The following TAFA1 variants were observed in gnomAD, a reference collection of about 807,000 sequenced individuals.
TAFA1 encodes TAFA chemokine like family member 1.
A neutral mutation model predicts 18.5 loss-of-function variants in TAFA1; 4 were observed. The observed-to-expected ratio is 0.22, with a 90% CI of 0.11 to 0.49. TAFA1 has a LOEUF of 0.49. TAFA1 is among the 20% of genes least tolerant of loss of function. The pLI is 0.98. For missense variants in TAFA1, 147 were observed against 169.0 expected, an observed-to-expected ratio of 0.87 and a Z score of 0.72; for synonymous variants, 56 against 55.2, an observed-to-expected ratio of 1.01 and a Z score of -0.06.
chr3:68,213,600 C>T (rs1388343108), intron 2 of TAFA1, among the ~76,000 whole-genome samples: 4 of 152,022 alleles, frequency 2.6e-5, no homozygotes, highest in Non-Finnish European at 4.4e-5. Context: ...ATTAGATCTT[C>T]GGAGAAATGT....
chr3:68,207,348 A>G (rs1477348988), intron 2 of TAFA1, among the ~76,000 whole-genome samples: 1 of 151,898 alleles, frequency 6.6e-6, no homozygotes, highest in African/African-American at 2.4e-5. Flanking sequence ...AATTGGTGCT[A>G]TTTTTATAGA....
chr3:68,254,606 C>T (rs935087522), intron 2 of TAFA1, among the ~76,000 whole-genome samples: 1 of 151,908 alleles, frequency 6.6e-6, no homozygotes, highest in Non-Finnish European at 1.5e-5. Flanking sequence ...CAAAGACATG[C>T]TGTGATGCCA....
intron 2 of TAFA1, among the ~76,000 whole-genome samples, chr3:68,244,829 G>A (rs1015874323): frequency 4.6e-5 from 7 of 152,146 alleles, no homozygotes; most frequent in African/African-American, 9.7e-5. Flanking sequence ...AAAAAAATGC[G>A]TGCAGGGTAT....
rs1485831895 is a variant in TAFA1 at position 68,014,666 on chromosome 3, TTATC to T, written c.118+7926_118+7929del. On this transcript the variant is annotated intron_variant, in intron 2 of 4. Transcript: ENST00000478136. ...TACCCAAGGAACTGGTTTATTAACT[TTATC>T]TATTTGACATAGCAGGATTCAAAAT... Among the ~76,000 whole-genome samples, 3 of 152,344 alleles carry T rather than the reference TTATC, an allele frequency of 2.0e-5. No individual in the cohort carries two copies. In the East Asian group the frequency reaches 5.8e-4, roughly 29 times the overall value.
At chr3:68,081,106 G>A (rs527836993) in intron 2 of TAFA1, among the ~76,000 whole-genome samples, 14 of 151,992 alleles carry the variant, frequency 9.2e-5, no homozygotes, top group African/African-American at 1.9e-4. Context: ...TGATCGCATC[G>A]GCTCCTGGGG....
upstream of TAFA1, among the ~76,000 whole-genome samples, chr3:68,000,341 C>G (rs1559697053): frequency 6.6e-6 from 1 of 152,172 alleles, no homozygotes; most frequent in Non-Finnish European, 1.5e-5. Context: ...TAGCTATTAA[C>G]ACTTGTATTT....
intron 2 of TAFA1, among the ~76,000 whole-genome samples, chr3:68,140,485 A>C (rs1431493947): frequency 6.6e-6 from 1 of 152,164 alleles, no homozygotes; most frequent in Non-Finnish European, 1.5e-5. Context: ...ATACATTTCT[A>C]AAAGAGGAAG....
intron 2 of TAFA1, among the ~76,000 whole-genome samples, chr3:68,039,239 C>T (rs1218789112): frequency 6.6e-6 from 1 of 152,092 alleles, no homozygotes; most frequent in Non-Finnish European, 1.5e-5. Flanking sequence ...ATGTTTTTCT[C>T]CAGAGTATTC....
chr3:68,073,344 T>C (rs1264980150), intron 2 of TAFA1, among the ~76,000 whole-genome samples: 1 of 152,272 alleles, frequency 6.6e-6, no homozygotes, highest in East Asian at 1.9e-4. Context: ...CTTCAACACA[T>C]GGCAGAGCCA....
At chr3:68,097,546 T>G (rs1357370738) in intron 2 of TAFA1, among the ~76,000 whole-genome samples, 1 of 152,122 alleles carries the variant, frequency 6.6e-6, no homozygotes, top group Non-Finnish European at 1.5e-5. Flanking sequence ...AGTTACTTAG[T>G]GTTTTGAATC....
intron 2 of TAFA1, among the ~76,000 whole-genome samples, chr3:68,053,327 A>G (rs1042282974): frequency 2.0e-5 from 3 of 152,130 alleles, no homozygotes; most frequent in African/African-American, 7.2e-5. Flanking sequence ...TTTACTCCCC[A>G]TAGGTTGCCT....
At chr3:68,468,332 T>C (rs1434133534) in intron 3 of TAFA1, among the ~76,000 whole-genome samples, 1 of 152,132 alleles carries the variant, frequency 6.6e-6, no homozygotes, top group Non-Finnish European at 1.5e-5. Flanking sequence ...GGCATAGAGG[T>C]TGAAATATGT....
chr3:68,322,408 C>T (rs73099647), intron 2 of TAFA1, among the ~76,000 whole-genome samples: 3,512 of 152,214 alleles, frequency 0.023, 64 homozygotes, highest in Middle Eastern at 0.068. Flanking sequence ...TCAAGGAAGC[C>T]GGAGAGTCAA....
chr3:68,449,585 A>G (rs2071534026), intron 3 of TAFA1, among the ~76,000 whole-genome samples: 1 of 152,174 alleles, frequency 6.6e-6, no homozygotes, highest in Non-Finnish European at 1.5e-5. Context: ...AAATAAGAAG[A>G]CTACCCTCTC....
intron 2 of TAFA1, among the ~76,000 whole-genome samples, chr3:68,352,323 A>G (rs958506916): frequency 6.6e-6 from 1 of 152,058 alleles, no homozygotes; most frequent in African/African-American, 2.4e-5. Flanking sequence ...GGGAAACCTC[A>G]GTGAAAGGTA....
At chr3:68,152,619 A>G (rs2065819666) in intron 2 of TAFA1, among the ~76,000 whole-genome samples, 1 of 152,140 alleles carries the variant, frequency 6.6e-6, no homozygotes, top group Non-Finnish European at 1.5e-5. Flanking sequence ...TTGCTCTTTT[A>G]AAATACAGCT....
chr3:68,231,871 C>G (rs13083523), intron 2 of TAFA1, among the ~76,000 whole-genome samples: 29,283 of 152,026 alleles, frequency 0.19, 3,513 homozygotes, highest in Middle Eastern at 0.29. Flanking sequence ...GCCCAAGTAA[C>G]TACTAATATA....
chr3:68,157,573 GTCTCA>G (rs2065879843), intron 2 of TAFA1, among the ~76,000 whole-genome samples: 1 of 152,152 alleles, frequency 6.6e-6, no homozygotes, highest in African/African-American at 2.4e-5. Context: ...AAATCTTATG[GTCTCA>G]TCTCCCAGGT....
chr3:68,517,148 T>C (rs1194658056), intron 3 of TAFA1, among the ~76,000 whole-genome samples: 1 of 152,190 alleles, frequency 6.6e-6, no homozygotes, highest in Non-Finnish European at 1.5e-5. Flanking sequence ...TATTATCATG[T>C]CTTCAACACC....
Sources: gnomAD v4.1 joint callset for allele counts (sites outside exome capture counted in the v4.1 genomes callset) on GRCh38, gnomAD v4.1.1 for gene constraint, MANE v1.5 for transcripts, NCBI Gene and HGNC (gene_info 2026-07-23, HGNC 2026-07-21) for gene names.